The following SNTG2 variants were observed in gnomAD, a reference collection of about 807,000 sequenced individuals.
SNTG2 encodes gamma-2-syntrophin.
Under a neutral mutation model 70.9 loss-of-function variants are expected in SNTG2, and 74 were observed. The observed-to-expected ratio is 1.04, with a 90% CI of 0.86 to 1.27. The LOEUF (loss-of-function observed/expected upper bound fraction) is 1.27, where lower values mean the gene tolerates loss of function less well. Among genes scored for constraint, SNTG2 ranks in the 50% most tolerant of loss-of-function variants. The probability of loss-of-function intolerance (pLI) is 0.00; values close to 1 mark genes in which losing one functional copy is unlikely to be tolerated. For missense variants in SNTG2, 717 were observed against 690.7 expected (o/e 1.04, Z -0.43); for synonymous variants, 278 against 273.8 (o/e 1.02, Z -0.15).
intron 4 of SNTG2, among the ~76,000 whole-genome samples, chr2:1,131,533 C>T (rs1668012364): frequency 6.6e-6 from 1 of 152,174 alleles, no homozygotes; most frequent in Non-Finnish European, 1.5e-5. Flanking sequence ...ATGGGACACA[C>T]TATTCATTTC....
In SNTG2 at chr2:1,308,490, C is replaced by G; in HGVS notation, c.1285-4C>G. On this transcript the variant is annotated splice_region_variant and splice_polypyrimidine_tract_variant and intron_variant, in intron 14 of 16. Coordinates refer to ENST00000308624, the MANE Select transcript of SNTG2 (RefSeq NM_018968.4). ...GTTTTCTCAAAATTGATACTTTTTT[C>G]TAGTCCAGAACATACATGTGCAGCT... 1 of 1,549,128 alleles carries G rather than the reference C, an allele frequency of 6.5e-7. No individual in the cohort carries two copies. The highest frequency in any genetic ancestry group is 8.7e-7 in the Non-Finnish European group (1 of 1,145,940).
rs1399862105 is a variant in SNTG2, at chr2:1,267,496, G to A, written c.1209G>A (p.Val403=). 1.2e-6 allele frequency: 2 copies of A among 1,613,832 alleles called. No individual in the cohort carries two copies. Among genetic ancestry groups the A allele is most frequent in the African/African-American group, 1.3e-5 (1 of 74,932 alleles). The change falls in exon 14 of 17, where the codon GTG becomes GTA. Residue 403 remains valine (V), a synonymous_variant. Transcript: ENST00000308624. ...ATGGGAAGAGCCATGTTTTCAACGT[G>A]GAGCTTGGCAGCGAGCTGGCCATGT... ...AGHGKSHVFN[V]ELGSELAMWE...
intron 15 of SNTG2, among the ~76,000 whole-genome samples, chr2:1,312,343 A>G (rs146608423): frequency 2.1e-3 from 314 of 152,260 alleles, no homozygotes; most frequent in African/African-American, 7.2e-3. Flanking sequence ...GGGCCTCTGG[A>G]CGATGTCCAC....
chr2:976,011 G>T (rs979240966), intron 1 of SNTG2, among the ~76,000 whole-genome samples: 1 of 152,160 alleles, frequency 6.6e-6, no homozygotes, highest in Non-Finnish European at 1.5e-5. Context: ...TATAATTATG[G>T]CGCATAGTGC....
intron 6 of SNTG2, among the ~76,000 whole-genome samples, chr2:1,152,392 C>T (rs184395495): frequency 1.1e-4 from 16 of 152,328 alleles, no homozygotes; most frequent in Non-Finnish European, 1.9e-4. Context: ...AGGCCGTGTG[C>T]ATGCTGGTGT....
intron 4 of SNTG2, among the ~76,000 whole-genome samples, chr2:1,110,161 C>T (rs1396938573): frequency 6.6e-6 from 1 of 152,178 alleles, no homozygotes; most frequent in African/African-American, 2.4e-5. Context: ...GTCTCTGTGG[C>T]ACAGCGGCTG....
chr2:1,348,701 A>G (rs1438098355), intron 16 of SNTG2, among the ~76,000 whole-genome samples: 1 of 152,242 alleles, frequency 6.6e-6, no homozygotes, highest in Non-Finnish European at 1.5e-5. Context: ...CACCTTGGGA[A>G]CATGTTTCTA....
chr2:1,215,942 T>A (rs1674360449), intron 9 of SNTG2, among the ~76,000 whole-genome samples: 1 of 152,226 alleles, frequency 6.6e-6, no homozygotes, highest in South Asian at 2.1e-4. Context: ...ATTTTCTTAA[T>A]CCAGTCTATC....
chr2:1,142,571 A>G (rs1668829648), intron 6 of SNTG2, among the ~76,000 whole-genome samples: 1 of 152,204 alleles, frequency 6.6e-6, no homozygotes, highest in African/African-American at 2.4e-5. Flanking sequence ...CCCTACTTCC[A>G]TAACCCTTTG....
intron 2 of SNTG2, among the ~76,000 whole-genome samples, chr2:1,085,938 G>A (rs1664659541): frequency 6.6e-6 from 1 of 152,284 alleles, no homozygotes; most frequent in East Asian, 1.9e-4. Flanking sequence ...CACTTGTTAT[G>A]TTAGGTCACG....
intron 1 of SNTG2, among the ~76,000 whole-genome samples, chr2:972,635 C>T (rs982943110): frequency 6.6e-6 from 1 of 152,068 alleles, no homozygotes; most frequent in Non-Finnish European, 1.5e-5. Context: ...GTGATTGGAT[C>T]GTGGGTGTGG....
rs1257905885 is a variant in SNTG2, at chr2:1,367,381, C to A, written c.1527C>A (p.Cys509Ter). The A allele has an allele frequency of 1.3e-6, 2 of 1,551,756 alleles. No homozygotes were observed. Among genetic ancestry groups the A allele is most frequent in the Non-Finnish European group, 1.7e-6 (2 of 1,146,996 alleles). ...EFQDLRAVLH[C>*]IHSFIAAKVA... is the part of the protein sequence containing the mutation. ...AGGACCTGAGGGCTGTCCTGCACTG[C>A]ATCCACTCCTTCATAGCAGCCAAGG... Residue 509 changes from cysteine (C) to a stop codon, truncating the protein, a stop_gained, in exon 17 of 17, where the codon TGC becomes TGA. Transcript: ENST00000308624. LOFTEE classifies it low-confidence loss of function (END_TRUNC).
At chr2:1,351,607 G>A (rs1401294069) in intron 16 of SNTG2, among the ~76,000 whole-genome samples, 1 of 152,122 alleles carries the variant, frequency 6.6e-6, no homozygotes, top group Non-Finnish European at 1.5e-5. Context: ...CACGGGATGT[G>A]AACGGAGTCC....
At chr2:1,154,352 C>G (rs1264123292) in intron 6 of SNTG2, among the ~76,000 whole-genome samples, 1 of 152,104 alleles carries the variant, frequency 6.6e-6, no homozygotes, top group African/African-American at 2.4e-5. Flanking sequence ...TTAAGGCGAG[C>G]GGGATGGGAC....
intron 16 of SNTG2, chr2:1,346,295 C>G (rs1452028037): frequency 6.6e-6 from 1 of 152,456 alleles, no homozygotes; most frequent in East Asian, 1.9e-4. Flanking sequence ...GGCGCTGGAA[C>G]TCCTGAGAGC....
At chr2:1,296,265 C>T (rs9753154) in intron 14 of SNTG2, among the ~76,000 whole-genome samples, 98,692 of 152,214 alleles carry the variant, frequency 0.65, 32,136 homozygotes, top group East Asian at 0.71. Context: ...TGCTGACCAA[C>T]TGGGTGCTTA....
intron 9 of SNTG2, among the ~76,000 whole-genome samples, chr2:1,232,051 C>T (rs1322670258): frequency 6.6e-6 from 1 of 152,128 alleles, no homozygotes; most frequent in African/African-American, 2.4e-5. Context: ...GCTCCAGTGC[C>T]CCACTCACTG....
chr2:978,564 A>T (rs77341701), intron 1 of SNTG2, among the ~76,000 whole-genome samples: 28 of 152,186 alleles, frequency 1.8e-4, no homozygotes, highest in East Asian at 1.2e-3. Flanking sequence ...ATAAGATTCA[A>T]CCTTCTAGGT....
intron 9 of SNTG2, among the ~76,000 whole-genome samples, chr2:1,216,613 A>C (rs1329698336): frequency 6.6e-6 from 1 of 152,164 alleles, no homozygotes; most frequent in East Asian, 1.9e-4. Context: ...CAGGTTATCT[A>C]ATCTGTTGAC....
Sources: allele counts gnomAD v4.1 joint callset (sites outside exome capture counted in the v4.1 genomes callset), GRCh38; gene constraint gnomAD v4.1.1; transcripts MANE v1.5; gene names NCBI Gene and HGNC (gene_info 2026-07-23, HGNC 2026-07-21).